Variants in ZC3H13 observed in about 807,000 individuals in gnomAD.
ZC3H13 encodes the protein zinc finger CCCH-type containing 13.
A neutral mutation model predicts 204.1 loss-of-function variants in ZC3H13; 64 were observed. The ratio of observed to expected loss-of-function variants is 0.31; its 90% CI spans 0.26 to 0.39. The LOEUF (loss-of-function observed/expected upper bound fraction) is 0.39, where lower values mean the gene tolerates loss of function less well. Ranked by LOEUF, ZC3H13 falls within the 10% of genes least tolerant of loss-of-function variation. The pLI is 1.00. For missense variants in ZC3H13, 1,833 were observed against 2,082.7 expected, an observed-to-expected ratio of 0.88 and a Z score of 2.33; for synonymous variants, 667 against 693.7, an observed-to-expected ratio of 0.96 and a Z score of 0.60.
At chr13:45,975,136 G>A (rs574036180) in intron 12 of ZC3H13, 147 bp downstream of exon 12, 156 of 1,304,708 alleles carry the variant, frequency 1.2e-4, no homozygotes, top group South Asian at 1.0e-3. Context: ...TTTAAACACC[G>A]ATACATATAC....
intron 11 of ZC3H13, 122 bp from the exon 12 acceptor site, chr13:45,975,960 G>C (rs1043324316): frequency 7.8e-6 from 11 of 1,402,404 alleles, no homozygotes; most frequent in Non-Finnish European, 1.0e-5. Context: ...TACAAACCAA[G>C]TAGCATATTT....
chr13:46,035,118 C>T (rs2043132826), intron 4 of ZC3H13, among the ~76,000 whole-genome samples: 1 of 152,166 alleles, frequency 6.6e-6, no homozygotes. Flanking sequence ...TCTCAGAATA[C>T]TAACCCTTGG....
intron 8 of ZC3H13, among the ~76,000 whole-genome samples, chr13:45,992,378 CGT>C (rs1431856874): frequency 6.6e-6 from 1 of 152,122 alleles, no homozygotes; most frequent in East Asian, 1.9e-4. Context: ...TAGCAAGTAA[CGT>C]ATATTGCTAC....
rs1173489648 is a variant in ZC3H13 at position 45,975,778 on chromosome 13, T to C, written c.1973A>G (p.Glu658Gly). 7.4e-6 allele frequency: 12 copies of C among 1,613,892 alleles called. No homozygotes were observed. Among genetic ancestry groups the C allele is most frequent in the Non-Finnish European group, 1.0e-5 (12 of 1,179,930 alleles). The change falls in exon 12 of 19, where the codon GAA becomes GGA. Residue 658 changes from glutamate to glycine, a missense_variant. By Grantham distance (98) the Glu-to-Gly change is moderately conservative (BLOSUM62 -2). Coordinates refer to ENST00000679008, the MANE Select transcript of ZC3H13 (RefSeq NM_001330564.2). ...GTCTACTCTTCGTTCCTCTCTTCTT[T>C]CATCACGCTCAAGCTCGTCATTCCT... Reference protein sequence around the residue: ...QGRNDELERDERREERRVDRV... With the variant: ...QGRNDELERDGRREERRVDRV...
In ZC3H13 at chr13:46,045,070, A is replaced by G; in HGVS notation, c.118-6T>C. ...AGCCAGTTACGGCACTGTGTCTAAGAGACAGATATTACTATGTAAATTTCA... is the reference window on the plus strand; with the variant it reads ...AGCCAGTTACGGCACTGTGTCTAAGGGACAGATATTACTATGTAAATTTCA... On this transcript the variant is annotated splice_polypyrimidine_tract_variant and splice_region_variant and intron_variant, in intron 2 of 18. Transcript: ENST00000679008. 1 of 1,596,360 alleles carries G rather than the reference A, an allele frequency of 6.3e-7. No homozygotes were observed. Among genetic ancestry groups the G allele is most frequent in the Admixed American group, 1.8e-5 (1 of 57,038 alleles).
rs531762390 is a variant in ZC3H13 at position 46,032,229 on chromosome 13, G to A, written c.339+9935C>T. 4.6e-5 allele frequency among the ~76,000 whole-genome samples: 7 copies of A among 152,224 alleles called. No individual in the cohort carries two copies. In the East Asian group the frequency reaches 1.3e-3, roughly 29 times the overall value. ...TGTATTTACCATTAACTTTTGCTGTGATCCTAAAACTGTATAAAACATAGT... is the reference window on the plus strand; with the variant it reads ...TGTATTTACCATTAACTTTTGCTGTAATCCTAAAACTGTATAAAACATAGT... On this transcript the variant is annotated intron_variant, in intron 4 of 18. Coordinates refer to ENST00000679008, the MANE Select transcript of ZC3H13 (RefSeq NM_001330564.2).
intron 8 of ZC3H13, among the ~76,000 whole-genome samples, chr13:45,992,104 T>C (rs2040009915): frequency 6.6e-6 from 1 of 152,194 alleles, no homozygotes. Context: ...AATGTATACA[T>C]TTTTAAAACA....
At chr13:45,989,755 C>CT (rs1260688745) in intron 8 of ZC3H13, among the ~76,000 whole-genome samples, 1 of 151,710 alleles carries the variant, frequency 6.6e-6, no homozygotes, top group Non-Finnish European at 1.5e-5. Context: ...TCTTTCACTG[C>CT]TACCAGAGAA....
At chr13:45,964,523 C>T (rs1226284652) in intron 16 of ZC3H13, among the ~76,000 whole-genome samples, 1 of 152,116 alleles carries the variant, frequency 6.6e-6, no homozygotes, top group African/African-American at 2.4e-5. Context: ...CCATCCACTG[C>T]GAAGGAACAG....
intron 4 of ZC3H13, among the ~76,000 whole-genome samples, chr13:46,037,909 T>C (rs533368031): frequency 9.2e-5 from 14 of 152,364 alleles, no homozygotes; most frequent in South Asian, 4.1e-4. Flanking sequence ...TGAAATTCAC[T>C]ATGTATTTTA....
intron 5 of ZC3H13, among the ~76,000 whole-genome samples, chr13:46,020,146 C>T (rs2042137622): frequency 6.6e-6 from 1 of 151,890 alleles, no homozygotes; most frequent in Admixed American, 6.6e-5. Flanking sequence ...TTAAGCTTAG[C>T]GTTAGGAATT....
chr13:46,052,438 G>A lies in ZC3H13; in HGVS notation c.-44C>T. On this transcript the variant is annotated 5_prime_UTR_variant, in exon 1 of 19. Transcript: ENST00000679008. ...AAGCTCCCTTCGCAAGTGCAGTCCG[G>A]AGGCACCACCGCCGCCGCCGCTCCG... The A allele has an allele frequency of 2.5e-6, 1 of 398,134 alleles. No individual in the cohort carries two copies. The highest frequency in any genetic ancestry group is 6.3e-4 in the Middle Eastern group (1 of 1,592). 24.7% of individuals were successfully genotyped at this position (398,134 alleles called of 1,614,324 possible). A position where few individuals can be genotyped will look rare whatever the true frequency, so the allele number is the denominator to read the frequency against.
intron 17 of ZC3H13, chr13:45,963,066 G>A (rs531646013): frequency 1.0e-6 from 1 of 984,312 alleles, no homozygotes; most frequent in South Asian, 4.7e-5. Context: ...TATATGCCAG[G>A]AACTGTTCTA....
intron 4 of ZC3H13, among the ~76,000 whole-genome samples, chr13:46,041,448 C>T (rs547255240): frequency 2.0e-5 from 3 of 152,110 alleles, no homozygotes; most frequent in East Asian, 1.9e-4. Flanking sequence ...AAAAGTTTGG[C>T]GTTTCTTTAC....
In ZC3H13 at chr13:45,981,865, T is replaced by C. The variant is rs922950977; in HGVS notation, c.1721-1861A>G. ...GGGGAACATCACACTCTGGGGACTG[T>C]TGTGGGGTGGAGGGAGGGGGGAGGG... On this transcript the variant is annotated intron_variant, in intron 10 of 18. Coordinates refer to ENST00000679008, the MANE Select transcript of ZC3H13 (RefSeq NM_001330564.2). 7.6e-5 allele frequency among the ~76,000 whole-genome samples: 9 copies of C among 119,028 alleles called. No homozygotes were observed. In the South Asian group the frequency reaches 1.3e-3, roughly 18 times the overall value. 78.1% of individuals were successfully genotyped at this position (119,028 alleles called of 152,430 possible).
chr13:46,024,938 G>A (rs2042450585), intron 4 of ZC3H13, among the ~76,000 whole-genome samples: 1 of 152,082 alleles, frequency 6.6e-6, no homozygotes, highest in Admixed American at 6.5e-5. Flanking sequence ...TCAATTCCAT[G>A]TTTATCCCTA....
In ZC3H13 at chr13:45,959,539, C is replaced by T; in HGVS notation, c.4783G>A (p.Ala1595Thr). The T allele has an allele frequency of 6.5e-7, 1 of 1,548,748 alleles. No individual in the cohort carries two copies. The highest frequency in any genetic ancestry group is 8.7e-7 in the Non-Finnish European group (1 of 1,146,220). Residue 1595 changes from alanine to threonine, a missense_variant, in exon 18 of 19, where the codon GCG becomes ACG. Coordinates refer to ENST00000679008, the MANE Select transcript of ZC3H13 (RefSeq NM_001330564.2). ...GCAGAATCCCGTCTGAAGCACAACGCCTTACAACATGGGCCAAGATTACTA... is the reference window on the plus strand; with the variant it reads ...GCAGAATCCCGTCTGAAGCACAACGTCTTACAACATGGGCCAAGATTACTA... ...LLSNLGPCCK[A>T]LCFRRDSAIR...
At chr13:45,964,233 AC>A (rs1245644652) in intron 16 of ZC3H13, among the ~76,000 whole-genome samples, 191 bp from the exon 17 acceptor site, 1 of 152,154 alleles carries the variant, frequency 6.6e-6, no homozygotes, top group Non-Finnish European at 1.5e-5. Context: ...CAAATAAAAA[AC>A]CTTCCCACCA....
At chr13:46,002,017 A>T (rs1170171205) in intron 8 of ZC3H13, among the ~76,000 whole-genome samples, 2 of 152,156 alleles carry the variant, frequency 1.3e-5, no homozygotes, top group African/African-American at 4.8e-5. Flanking sequence ...TTAAGGGGTT[A>T]ATGTCCAGAA....
Sources: allele counts gnomAD v4.1 joint callset (sites outside exome capture counted in the v4.1 genomes callset), GRCh38; gene constraint gnomAD v4.1.1; transcripts MANE v1.5; gene names NCBI Gene and HGNC (gene_info 2026-07-23, HGNC 2026-07-21).